Variants in ODAD1 observed in about 807,000 individuals in gnomAD.
ODAD1 encodes outer dynein arm-docking complex subunit 1.
A neutral mutation model predicts 67.2 loss-of-function variants in ODAD1; 49 were observed. The ratio of observed to expected loss-of-function variants is 0.73; its 90% CI spans 0.58 to 0.92. The LOEUF (loss-of-function observed/expected upper bound fraction) is 0.92. ODAD1 is among the 40% of genes least tolerant of loss of function. The probability of loss-of-function intolerance (pLI) is 0.00; values close to 1 mark genes in which losing one functional copy is unlikely to be tolerated. For synonymous variants in ODAD1, 345 were observed against 393.7 expected (o/e 0.88, Z 1.46); for missense variants, 897 against 953.7 (o/e 0.94, Z 0.78).
chr19:48,310,698 G>A (rs1246865046), intron 7 of ODAD1, among the ~76,000 whole-genome samples: 1 of 152,142 alleles, frequency 6.6e-6, no homozygotes, highest in Admixed American at 6.6e-5. Context: ...AAATAAATGT[G>A]GCAAATTATC....
chr19:48,304,773 T>C (rs895235999), intron 8 of ODAD1, among the ~76,000 whole-genome samples: 6 of 152,190 alleles, frequency 3.9e-5, no homozygotes, highest in Admixed American at 1.3e-4. Flanking sequence ...AGGTAAACTC[T>C]CTGTTCTCTA....
In ODAD1 at chr19:48,296,825, G is replaced by C; in HGVS notation, c.*151C>G. 1 of 1,430,364 alleles carries C rather than the reference G, an allele frequency of 7.0e-7. No homozygotes were observed. Among genetic ancestry groups the C allele is most frequent in the Non-Finnish European group, 9.1e-7 (1 of 1,098,662 alleles). The allele number at this position is 1,430,364 out of a possible 1,614,324, so 88.6% of individuals were successfully genotyped here. ...GAGACACAGGTGAGGCGGTGATGAAGGGCAGATGAAAACAGTTGAAGGGGC... is the reference window on the plus strand; with the variant it reads ...GAGACACAGGTGAGGCGGTGATGAACGGCAGATGAAAACAGTTGAAGGGGC... On this transcript the variant is annotated 3_prime_UTR_variant, in exon 16 of 16. Coordinates refer to ENST00000674294, the MANE Select transcript of ODAD1 (RefSeq NM_001364171.2).
At chr19:48,315,998 G>C (rs999427270) in intron 5 of ODAD1, among the ~76,000 whole-genome samples, 3 of 152,168 alleles carry the variant, frequency 2.0e-5, no homozygotes, top group African/African-American at 7.2e-5. Flanking sequence ...TTCATTATAT[G>C]GACATGTGCT....
intron 5 of ODAD1, among the ~76,000 whole-genome samples, chr19:48,317,869 A>G (rs1289235791): frequency 1.3e-5 from 2 of 152,032 alleles, no homozygotes; most frequent in Non-Finnish European, 2.9e-5. Flanking sequence ...TCAGGAGATC[A>G]AGACCATCTT....
chr19:48,307,736 A>T (rs1451866328), intron 7 of ODAD1, among the ~76,000 whole-genome samples: 1 of 150,700 alleles, frequency 6.6e-6, no homozygotes, highest in Non-Finnish European at 1.5e-5. Context: ...AACGGCGTGA[A>T]CCTGGGAGGC....
intron 10 of ODAD1, 161 bp downstream of exon 10, chr19:48,303,489 T>C: frequency 3.7e-6 from 3 of 808,884 alleles, no homozygotes; most frequent in Non-Finnish European, 5.8e-6. Flanking sequence ...AGGGCCACGG[T>C]AAGACGCCAG....
rs1489306217 is a variant in ODAD1 at position 48,296,907 on chromosome 19, G to A, written c.*69C>T. On this transcript the variant is annotated 3_prime_UTR_variant, in exon 16 of 16. Transcript: ENST00000674294. ...AGACAGAGACCCACAAGGCAAACAG[G>A]GGAAGTAGAGACACAAAAAAAGACC... 2.7e-6 allele frequency: 4 copies of A among 1,470,306 alleles called. No individual in the cohort carries two copies. The African/African-American group carries it at 5.7e-5, about 21-fold the overall frequency. The allele number at this position is 1,470,306 out of a possible 1,614,324, so 91.1% of individuals were successfully genotyped here.
chr19:48,310,398 C>T (rs115218450), intron 7 of ODAD1, among the ~76,000 whole-genome samples: 4,368 of 152,170 alleles, frequency 0.029, 205 homozygotes, highest in African/African-American at 0.099. Context: ...GATTCTGGAC[C>T]GGAGCCTAGA....
At chr19:48,315,153 GCAGCCTCCACCTC>G (rs967977045) in intron 5 of ODAD1, among the ~76,000 whole-genome samples, 1 of 150,560 alleles carries the variant, frequency 6.6e-6, no homozygotes, top group African/African-American at 2.4e-5. Context: ...ATAGCTCACT[GCAGCCTCCACCTC>G]CCAGGCCAGG....
In ODAD1 at chr19:48,302,751, C is replaced by G. The variant is rs1419666594; in HGVS notation, c.1183G>C (p.Glu395Gln). The G allele has an allele frequency of 1.2e-6, 2 of 1,613,566 alleles. No homozygotes were observed. Among genetic ancestry groups the G allele is most frequent in the East Asian group, 4.5e-5 (2 of 44,886 alleles). The change falls in exon 12 of 16, where the codon GAG becomes CAG. Residue 395 changes from glutamate to glutamine, a missense_variant. Physicochemically the swap from Glu to Gln is conservative, Grantham distance 29. Transcript: ENST00000674294. ...QRMDKVHSEAERLEARFQDVR... is the reference protein window; with the variant it reads ...QRMDKVHSEAQRLEARFQDVR... The stretch of plus-strand genomic sequence containing the variant: ...TCCTGGAAGCGGGCCTCAAGGCGCT[C>G]AGCCTCCGAGTGCACCTTGTCCATG...
At chr19:48,321,496 G>A (rs943849407) in intron 1 of ODAD1, 182 bp downstream of exon 1, 1 of 260,558 alleles carries the variant, frequency 3.8e-6, no homozygotes, top group Non-Finnish European at 7.2e-6. Flanking sequence ...GGGCTTCGCA[G>A]ACAGCGAGCG....
rs1192310004 is a variant in ODAD1 at position 48,303,658 on chromosome 19, T to C, written c.980A>G (p.Tyr327Cys). Residue 327 changes from tyrosine to cysteine, a missense_variant, in exon 10 of 16, where the codon TAT (tyrosine) becomes TGT (cysteine). Coordinates refer to ENST00000674294, the MANE Select transcript of ODAD1 (RefSeq NM_001364171.2). ...CCCAGGGCCCCACTCACTCTCCAGA[T>C]ACTTCTGCACCAACAGGTCAGGGTC... ...ESDPDLLVQK[Y>C]LEIEERNFAE... is the part of the protein sequence containing the mutation. 11 of 1,614,084 alleles carry C rather than the reference T, an allele frequency of 6.8e-6. No homozygotes were observed. The East Asian group carries it at 1.6e-4, about 23-fold the overall frequency.
At position 48,318,590 on chromosome 19, in the gene ODAD1, G is replaced by A. The variant is rs1324485015; in HGVS notation, c.171-14C>T. On this transcript the variant is annotated splice_polypyrimidine_tract_variant and intron_variant, in intron 4 of 15. Coordinates refer to ENST00000674294, the MANE Select transcript of ODAD1 (RefSeq NM_001364171.2). The stretch of plus-strand genomic sequence containing the variant: ...CGGATCTCCTCACTACCCAGGCAGG[G>A]AGGTGGAAGAGGGGCCAGTAAGGGG... 1.4e-5 allele frequency: 22 copies of A among 1,549,250 alleles called. No individual in the cohort carries two copies. The highest frequency in any genetic ancestry group is 1.9e-5 in the Non-Finnish European group (22 of 1,145,298).
At chr19:48,302,953 G>C in intron 11 of ODAD1, 60 bp downstream of exon 11, 2 of 1,605,890 alleles carry the variant, frequency 1.2e-6, no homozygotes, top group Non-Finnish European at 1.7e-6. Context: ...GGCTGAGGGA[G>C]GGAAGGGGGC....
rs1362062437 is a variant in ODAD1 at position 48,318,802 on chromosome 19, C to T, written c.81G>A (p.Glu27=). ...EAFLEGMVDW[E]LSRLQRQCKV... The stretch of plus-strand genomic sequence containing the variant: ...TGCATTGTCGCTGCAGCCTACTCAG[C>T]TCCCAATCCACTGAGAACAGGGCCA... Residue 27 remains glutamate, a synonymous_variant, in exon 4 of 16, where the codon GAG becomes GAA. Transcript: ENST00000674294. The T allele has an allele frequency of 6.5e-7, 1 of 1,549,800 alleles. No individual in the cohort carries two copies. The highest frequency in any genetic ancestry group is 8.7e-7 in the Non-Finnish European group (1 of 1,145,616).
intron 10 of ODAD1, 77 bp from the exon 11 acceptor site, chr19:48,303,172 G>T: frequency 9.0e-7 from 1 of 1,113,230 alleles, no homozygotes; most frequent in Non-Finnish European, 1.4e-6. Flanking sequence ...AGACAGAGAG[G>T]CATACAGAAG....
chr19:48,301,330 T>C (rs985319107), intron 12 of ODAD1, among the ~76,000 whole-genome samples: 16 of 152,198 alleles, frequency 1.1e-4, no homozygotes, highest in African/African-American at 3.9e-4. Flanking sequence ...GACAGAGATG[T>C]ACATGGATGA....
intron 7 of ODAD1, among the ~76,000 whole-genome samples, chr19:48,310,932 G>A (rs1439363488): frequency 6.6e-6 from 1 of 151,532 alleles, no homozygotes; most frequent in African/African-American, 2.4e-5. Context: ...AAAAAAATCG[G>A]CCGGGTGTGG....
At chr19:48,320,072 T>C (rs2046887478) in intron 3 of ODAD1, 2 of 1,072,374 alleles carry the variant, frequency 1.9e-6, no homozygotes, top group Non-Finnish European at 2.3e-6. Flanking sequence ...CAGGGAGTTC[T>C]GGGCCCCACT....
Sources: allele counts gnomAD v4.1 joint callset (sites outside exome capture counted in the v4.1 genomes callset), GRCh38; gene constraint gnomAD v4.1.1; transcripts MANE v1.5; gene names NCBI Gene and HGNC (gene_info 2026-07-23, HGNC 2026-07-21).